The following ATP5F1A variants were observed in gnomAD, a reference collection of about 807,000 sequenced individuals.
ATP5F1A encodes ATP synthase F1 subunit alpha, also known as ATP synthase F(1) complex subunit alpha, mitochondrial.
A neutral mutation model predicts 57.4 loss-of-function variants in ATP5F1A; 24 were observed. The ratio of observed to expected loss-of-function variants is 0.42; its 90% CI spans 0.30 to 0.59. The LOEUF (loss-of-function observed/expected upper bound fraction) is 0.59, where lower values mean the gene tolerates loss of function less well. Ranked by LOEUF, ATP5F1A falls within the 20% of genes least tolerant of loss-of-function variation. The pLI, the probability that ATP5F1A is intolerant of heterozygous loss-of-function variation, is 0.19. For synonymous variants in ATP5F1A, 251 were observed against 255.5 expected (o/e 0.98, Z 0.17); for missense variants, 494 against 707.9 (o/e 0.70, Z 3.43).
At position 46,098,259 on chromosome 18, in the gene ATP5F1A, T is replaced by C. The variant is rs148490596; in HGVS notation, c.-28A>G. ...TTGCAGTTACTCCGCAGGCGGTACT[T>C]CTGCAGCCGCAGCCTCCGGACTGAC... On this transcript the variant is annotated 5_prime_UTR_variant, in exon 1 of 12. Coordinates refer to ENST00000398752, the MANE Select transcript of ATP5F1A (RefSeq NM_004046.6). 5.0e-3 allele frequency: 7,983 copies of C among 1,597,308 alleles called. 361 individuals are homozygous for C. The Admixed American group carries it at 0.09, about 18-fold the overall frequency.
Position 46,090,053 on chromosome 18 carries a change from C to T in ATP5F1A, c.310-57G>A, listed in dbSNP as rs1257262630. On this transcript the variant is annotated intron_variant, in intron 3 of 11. Transcript: ENST00000398752. The stretch of plus-strand genomic sequence containing the variant: ...AGCTGAATGGGCACTCCTCCCCATA[C>T]ACCAATACTACATAAGAAAATAGTC... 1.2e-5 allele frequency: 9 copies of T among 752,294 alleles called. No homozygotes were observed. The East Asian group carries it at 1.9e-4, about 16-fold the overall frequency. 46.6% of individuals were successfully genotyped at this position (752,294 alleles called of 1,614,324 possible). A position where few individuals can be genotyped will look rare whatever the true frequency, so the allele number is the denominator to read the frequency against.
intron 1 of ATP5F1A, among the ~76,000 whole-genome samples, chr18:46,103,731 T>A (rs1050225711): frequency 6.6e-6 from 1 of 151,016 alleles, no homozygotes; most frequent in Non-Finnish European, 1.5e-5. Context: ...CTGGCCAATA[T>A]GGTGAAACCC....
intron 2 of ATP5F1A, among the ~76,000 whole-genome samples, chr18:46,092,536 A>T (rs986746747): frequency 6.6e-6 from 1 of 151,556 alleles, no homozygotes; most frequent in Non-Finnish European, 1.5e-5. Context: ...TGAACCTGGG[A>T]GGTGGAAGTC....
In ATP5F1A at chr18:46,098,163, G is replaced by C; in HGVS notation, c.60+9C>G. 6.2e-7 allele frequency: 1 copy of C among 1,600,280 alleles called. No homozygotes were observed. Among genetic ancestry groups the C allele is most frequent in the East Asian group, 2.2e-5 (1 of 44,676 alleles). The stretch of plus-strand genomic sequence containing the variant: ...GGCCGCCTGCATCATGCCGGCCTTC[G>C]GTGCTCACCAGTCCGGCCCGCCGAG... On this transcript the variant is annotated intron_variant, in intron 1 of 11. Transcript: ENST00000398752.
At chr18:46,098,394 G>A, upstream of ATP5F1A, 1 of 1,327,044 alleles carries the variant, frequency 7.5e-7, no homozygotes, top group South Asian at 1.8e-5. Flanking sequence ...CCGCCACTCT[G>A]CATTTTTTGG....
chr18:46,101,572 G>GT (rs1179729781), upstream of ATP5F1A, among the ~76,000 whole-genome samples: 1 of 151,218 alleles, frequency 6.6e-6, no homozygotes, highest in Non-Finnish European at 1.5e-5. Flanking sequence ...CGCGACAGGA[G>GT]TGAGACTATC....
chr18:46,099,924 G>A (rs1171829933), upstream of ATP5F1A, among the ~76,000 whole-genome samples: 1 of 152,134 alleles, frequency 6.6e-6, no homozygotes, highest in Non-Finnish European at 1.5e-5. Flanking sequence ...TGGGAAAATA[G>A]AGCAGCAGTT....
intron 10 of ATP5F1A, 187 bp from the exon 11 acceptor site, chr18:46,084,841 T>C (rs1909964339): frequency 1.8e-6 from 1 of 540,722 alleles, no homozygotes. Context: ...AGAAAACAGT[T>C]ATTTCTTATA....
rs1400946024 is a variant in ATP5F1A, at chr18:46,084,723, G to GA, written c.1430-70dup. ...ATGAATGCCATGTTACCAAGGTCAG[G>GA]AAAACTTACTTTTTCTCCAATTCCT... On this transcript the variant is annotated intron_variant, in intron 10 of 11. Coordinates refer to ENST00000398752, the MANE Select transcript of ATP5F1A (RefSeq NM_004046.6). 9.0e-6 allele frequency: 13 copies of GA among 1,441,748 alleles called. No individual in the cohort carries two copies. In the Admixed American group the frequency reaches 3.3e-4, roughly 36 times the overall value. The allele number at this position is 1,441,748 out of a possible 1,614,324, so 89.3% of individuals were successfully genotyped here.
In ATP5F1A at chr18:46,081,158, A is replaced by T. The variant is rs1303673017; in HGVS notation, c.*3124T>A. 1 of 148,992 alleles carries T rather than the reference A, an allele frequency of 6.7e-6. No individual in the cohort carries two copies. Among genetic ancestry groups the T allele is most frequent in the Non-Finnish European group, 1.5e-5 (1 of 67,368 alleles). The allele number at this position is 148,992 out of a possible 1,614,324, so 9.2% of individuals were successfully genotyped here. A position where few individuals can be genotyped will look rare whatever the true frequency, so the allele number is the denominator to read the frequency against. On this transcript the variant is annotated 3_prime_UTR_variant, in exon 12 of 12. Coordinates refer to ENST00000398752, the MANE Select transcript of ATP5F1A (RefSeq NM_004046.6). ...AAAAAAAAAAAAAAAAAAAAATCTC[A>T]TCAGACCAGACCAGTAGTTAACATT...
upstream of ATP5F1A, among the ~76,000 whole-genome samples, chr18:46,099,895 C>G (rs1043264724): frequency 3.3e-5 from 5 of 152,138 alleles, no homozygotes; most frequent in Non-Finnish European, 7.3e-5. Context: ...TAGTATCCTA[C>G]TCTTTTCAAG....
rs146099416 is a variant in ATP5F1A at position 46,086,314 on chromosome 18, TAGTTAATATATTAATACCTTAAGA to T, written c.1284+49_1285-58del. 0.29 allele frequency: 474,253 copies of T among 1,612,418 alleles called. 74,709 individuals carry two copies. The highest frequency in any genetic ancestry group is 0.38 in the Middle Eastern group (2,294 of 6,044). On this transcript the variant is annotated intron_variant, in intron 9 of 11. Transcript: ENST00000398752. ...AGTGACACAGAGCACTATACAAATA[TAGTTAATATATTAATACCTTAAGA>T]TGCTAATCTAATGATAGCCCCCTTA...
rs1599781145 is a variant in ATP5F1A, at chr18:46,091,814, A to G, written c.177T>C (p.Ile59=). 6.2e-7 allele frequency: 1 copy of G among 1,613,816 alleles called. No homozygotes were observed. The highest frequency in any genetic ancestry group is 8.5e-7 in the Non-Finnish European group (1 of 1,179,972). ...GATCAACAGAGGTATCAGCTCCAAG[A>G]ATACGCTCTTCAAGAATAGAGGACA... ...AEMSSILEER[I]LGADTSVDLE... Residue 59 remains isoleucine, a synonymous_variant, in exon 3 of 12, where the codon ATT becomes ATC. Transcript: ENST00000398752.
intron 2 of ATP5F1A, among the ~76,000 whole-genome samples, chr18:46,093,999 C>A (rs918243807): frequency 2.0e-5 from 3 of 150,714 alleles, no homozygotes; most frequent in African/African-American, 4.9e-5. Context: ...CCCACCTACT[C>A]GGGAGGCTGA....
At chr18:46,102,766 G>T (rs1009483780), upstream of ATP5F1A, among the ~76,000 whole-genome samples, 1 of 152,022 alleles carries the variant, frequency 6.6e-6, no homozygotes. Context: ...GGGCAACATA[G>T]TGAGACCCTC....
chr18:46,102,587 G>A (rs1441258081), upstream of ATP5F1A, among the ~76,000 whole-genome samples: 1 of 152,142 alleles, frequency 6.6e-6, no homozygotes, highest in Non-Finnish European at 1.5e-5. Flanking sequence ...GCCTCCCAAA[G>A]TGCTGAGAAT....
Position 46,098,178 on chromosome 18 carries a change from G to A in ATP5F1A, c.54C>T (p.Ala18=), listed in dbSNP as rs745866518. The change falls in exon 1 of 12, where the codon GCC becomes GCT. Residue 18 remains alanine (A), a synonymous_variant. Coordinates refer to ENST00000398752, the MANE Select transcript of ATP5F1A (RefSeq NM_004046.6). The part of the protein sequence containing the change: ...AAVVRALPRR[A]GLVSRNALGS... ...GCCGGCCTTCGGTGCTCACCAGTCCGGCCCGCCGAGGAAGGGCGCGGACCA... is the reference window on the plus strand; with the variant it reads ...GCCGGCCTTCGGTGCTCACCAGTCCAGCCCGCCGAGGAAGGGCGCGGACCA... 16 of 1,604,010 alleles carry A rather than the reference G, an allele frequency of 1.0e-5. No individual in the cohort carries two copies. The highest frequency in any genetic ancestry group is 2.7e-5 in the African/African-American group (2 of 74,864).
chr18:46,084,278 G>A lies in ATP5F1A; in HGVS notation c.*4C>T, dbSNP rs781283368. On this transcript the variant is annotated 3_prime_UTR_variant, in exon 12 of 12. Coordinates refer to ENST00000398752, the MANE Select transcript of ATP5F1A (RefSeq NM_004046.6). Reference sequence around the variant, plus strand: ...ACTGGTATTTGATGTGAATCCACAGGAGTTTAAGCTTCAAATCCAGCCAAG... The same window carrying A: ...ACTGGTATTTGATGTGAATCCACAGAAGTTTAAGCTTCAAATCCAGCCAAG... The A allele has an allele frequency of 1.9e-6, 3 of 1,609,070 alleles. No individual in the cohort carries two copies. The highest frequency in any genetic ancestry group is 2.5e-6 in the Non-Finnish European group (3 of 1,178,336).
exon 1 of ATP5F1A, chr18:46,104,194 A>ATCGTT (rs1461706821): frequency 1.5e-5 from 6 of 408,820 alleles, no homozygotes; most frequent in Non-Finnish European, 2.2e-5. Context: ...AGGCGGGAAG[A>ATCGTT]GCTGGGAAGT....
Sources: gnomAD v4.1 joint callset for allele counts (sites outside exome capture counted in the v4.1 genomes callset) on GRCh38, gnomAD v4.1.1 for gene constraint, MANE v1.5 for transcripts, NCBI Gene and HGNC (gene_info 2026-07-23, HGNC 2026-07-21) for gene names.